IYD: variants seen among roughly 807,000 people sequenced by gnomAD.
IYD encodes the protein iodotyrosine deiodinase, also known as iodotyrosine deiodinase 1.
IYD carries 25 observed loss-of-function variants against 28.4 expected under a neutral mutation model. The ratio of observed to expected loss-of-function variants is 0.88; its 90% CI spans 0.64 to 1.23. The LOEUF (loss-of-function observed/expected upper bound fraction) is 1.23. Among genes scored for constraint, IYD ranks in the 50% most tolerant of loss-of-function variants. The pLI is 0.00. For synonymous variants in IYD, 140 were observed against 130.8 expected (o/e 1.07, Z -0.48); for missense variants, 352 against 357.9 (o/e 0.98, Z 0.13).
At chr6:150,379,446 A>G (rs903124046) in intron 1 of IYD, among the ~76,000 whole-genome samples, 1 of 152,140 alleles carries the variant, frequency 6.6e-6, no homozygotes. Context: ...ATTACATGCC[A>G]TCCCCTTGGG....
intron 4 of IYD, chr6:150,396,262 C>CT (rs929297538): frequency 5.3e-4 from 208 of 395,152 alleles, no homozygotes; most frequent in South Asian, 8.9e-4. Context: ...AATATGAAAA[C>CT]TTTTTTTTTC....
At chr6:150,397,340 G>A (rs1236076469) in intron 4 of IYD, among the ~76,000 whole-genome samples, 11 of 151,976 alleles carry the variant, frequency 7.2e-5, no homozygotes, top group South Asian at 2.1e-4. Context: ...AGGCTGAGAC[G>A]GGCAGATCAC....
chr6:150,391,849 C>T (rs1778130376), intron 2 of IYD, among the ~76,000 whole-genome samples: 2 of 152,074 alleles, frequency 1.3e-5, no homozygotes, highest in African/African-American at 4.8e-5. Context: ...GCTGGGATTA[C>T]AGGCGCCCAC....
At chr6:150,370,871 A>T (rs565741991) in intron 1 of IYD, among the ~76,000 whole-genome samples, 5 of 152,282 alleles carry the variant, frequency 3.3e-5, no homozygotes, top group African/African-American at 1.2e-4. Context: ...AAAGGGGAAG[A>T]TGTTGAGTTC....
chr6:150,392,938 G>A (rs544231084), intron 3 of IYD, among the ~76,000 whole-genome samples: 1 of 152,204 alleles, frequency 6.6e-6, no homozygotes, highest in East Asian at 1.9e-4. Context: ...GAAGTGGAGG[G>A]GAATTCAGTG....
chr6:150,402,134 A>C lies in IYD; in HGVS notation c.*3897A>C, dbSNP rs1328999195. ...TGCAATGCTTGTGACTTGACGTGAT[A>C]AAAGTTCATTTATTGGGCAGGCAAA... On this transcript the variant is annotated 3_prime_UTR_variant, in exon 5 of 5. Transcript: ENST00000344419. 1 of 152,242 alleles carries C rather than the reference A, an allele frequency of 6.6e-6. No homozygotes were observed. Among genetic ancestry groups the C allele is most frequent in the Non-Finnish European group, 1.5e-5 (1 of 68,030 alleles). 9.4% of individuals were successfully genotyped at this position (152,242 alleles called of 1,614,324 possible). A position where few individuals can be genotyped will look rare whatever the true frequency, so the allele number is the denominator to read the frequency against.
rs1582809318 is a variant in IYD at position 150,400,296 on chromosome 6, T to C, written c.*2059T>C. ...ACTTCTGAAGCATTGGAGTTATCGA[T>C]TGCCATTGCCCCATGGTTCTCACTC... On this transcript the variant is annotated 3_prime_UTR_variant, in exon 5 of 5. Coordinates refer to ENST00000344419, the MANE Select transcript of IYD (RefSeq NM_203395.3). 1.3e-5 allele frequency: 2 copies of C among 152,226 alleles called. No homozygotes were observed. Among genetic ancestry groups the C allele is most frequent in the South Asian group, 4.1e-4 (2 of 4,832 alleles). 9.4% of individuals were successfully genotyped at this position (152,226 alleles called of 1,614,324 possible).
chr6:150,391,225 G>C (rs1778105506), intron 2 of IYD, among the ~76,000 whole-genome samples: 1 of 121,086 alleles, frequency 8.3e-6, no homozygotes, highest in Non-Finnish European at 1.6e-5. Context: ...GACAGAGTGA[G>C]ACGCCATCAA....
chr6:150,401,776 G>C lies in IYD; in HGVS notation c.*3539G>C, dbSNP rs1430659990. ...TAATGGAATGATTGCATCACTGCGA[G>C]GAAGTATACTTAATTAAGAAAGTTG... On this transcript the variant is annotated 3_prime_UTR_variant, in exon 5 of 5. Coordinates refer to ENST00000344419, the MANE Select transcript of IYD (RefSeq NM_203395.3). The C allele has an allele frequency of 6.6e-6, 1 of 152,182 alleles. No individual in the cohort carries two copies. Among genetic ancestry groups the C allele is most frequent in the Non-Finnish European group, 1.5e-5 (1 of 68,044 alleles). 9.4% of individuals were successfully genotyped at this position (152,182 alleles called of 1,614,324 possible). A position where few individuals can be genotyped will look rare whatever the true frequency, so the allele number is the denominator to read the frequency against.
intron 1 of IYD, among the ~76,000 whole-genome samples, chr6:150,388,815 C>A (rs188354965): frequency 1.5e-3 from 225 of 151,368 alleles, no homozygotes; most frequent in African/African-American, 5.0e-3. Context: ...GATTCTCATG[C>A]CTCAGCCTCC....
chr6:150,398,652 C>A lies in IYD; in HGVS notation c.*415C>A. On this transcript the variant is annotated 3_prime_UTR_variant, in exon 5 of 5. Transcript: ENST00000344419. Reference sequence around the variant, plus strand: ...CAAATGGTCTCCTGTTCTCTGATTTCTGGTGGCTTTTAGACACTAATTTTT... The same window carrying A: ...CAAATGGTCTCCTGTTCTCTGATTTATGGTGGCTTTTAGACACTAATTTTT... The A allele has an allele frequency of 6.1e-6, 1 of 163,288 alleles. No individual in the cohort carries two copies. The highest frequency in any genetic ancestry group is 1.3e-5 in the Non-Finnish European group (1 of 75,088). 10.1% of individuals were successfully genotyped at this position (163,288 alleles called of 1,614,324 possible). A position where few individuals can be genotyped will look rare whatever the true frequency, so the allele number is the denominator to read the frequency against.
chr6:150,385,011 T>A (rs546842031), intron 1 of IYD: 39 of 152,326 alleles, frequency 2.6e-4, no homozygotes, highest in African/African-American at 8.7e-4. Flanking sequence ...CATCTTCATC[T>A]TCTCTAAGAT....
intron 1 of IYD, among the ~76,000 whole-genome samples, chr6:150,378,318 A>G (rs1481396724): frequency 2.7e-5 from 4 of 150,126 alleles, no homozygotes; most frequent in Admixed American, 1.3e-4. Flanking sequence ...TCCTAATGCG[A>G]TCCCTCCCCG....
At chr6:150,387,853 A>AT (rs1777936074) in intron 1 of IYD, among the ~76,000 whole-genome samples, 1 of 150,260 alleles carries the variant, frequency 6.7e-6, no homozygotes, top group African/African-American at 2.4e-5. Flanking sequence ...CTTCTTTTTA[A>AT]TTTTTTTCCT....
intron 4 of IYD, chr6:150,395,789 T>A (rs1413022801): frequency 1.9e-5 from 12 of 637,910 alleles, no homozygotes; most frequent in Non-Finnish European, 3.4e-5. Flanking sequence ...GAGGTGGTGA[T>A]CTGATTGGAA....
At position 150,394,207 on chromosome 6, in the gene IYD, T is replaced by C; in HGVS notation, c.639T>C (p.Asn213=). 3 of 1,612,330 alleles carry C rather than the reference T, an allele frequency of 1.9e-6. No homozygotes were observed. The highest frequency in any genetic ancestry group is 1.3e-5 in the African/African-American group (1 of 75,004). The change falls in exon 4 of 5, where the codon AAT becomes AAC. Residue 213 remains asparagine (N), a synonymous_variant. Transcript: ENST00000344419. ...GCAAGAAAAAAGTCCACTACTACAATGAGATCAGTGTTTCCATCGCTTGTG... is the reference window on the plus strand; with the variant it reads ...GCAAGAAAAAAGTCCACTACTACAACGAGATCAGTGTTTCCATCGCTTGTG... The part of the protein sequence containing the change: ...ANGKKKVHYY[N]EISVSIACGI...
chr6:150,394,602 G>C (rs1431461479), intron 4 of IYD, among the ~76,000 whole-genome samples: 2 of 152,192 alleles, frequency 1.3e-5, no homozygotes, highest in Non-Finnish European at 2.9e-5. Flanking sequence ...TGCTCTCAGA[G>C]ATGATGGAAT....
intron 4 of IYD, chr6:150,395,634 C>A: frequency 8.0e-7 from 1 of 1,248,846 alleles, no homozygotes; most frequent in Non-Finnish European, 1.1e-6. Flanking sequence ...TTTCATAAGG[C>A]ATAATCCCGA....
rs372840878 is a variant in IYD, at chr6:150,400,178, A to G, written c.*1941A>G. ...GCAGGGCCAGATGGAGTTGGCCTGCAGGGAGTCAGCCTTACCCCATCAGAG... is the reference window on the plus strand; with the variant it reads ...GCAGGGCCAGATGGAGTTGGCCTGCGGGGAGTCAGCCTTACCCCATCAGAG... On this transcript the variant is annotated 3_prime_UTR_variant, in exon 5 of 5. Transcript: ENST00000344419. 4 of 152,184 alleles carry G rather than the reference A, an allele frequency of 2.6e-5. No homozygotes were observed. Among genetic ancestry groups the G allele is most frequent in the East Asian group, 3.9e-4 (2 of 5,184 alleles). The allele number at this position is 152,184 out of a possible 1,614,324, so 9.4% of individuals were successfully genotyped here.
Sources: allele counts gnomAD v4.1 joint callset (sites outside exome capture counted in the v4.1 genomes callset), GRCh38; gene constraint gnomAD v4.1.1; transcripts MANE v1.5; gene names NCBI Gene and HGNC (gene_info 2026-07-23, HGNC 2026-07-21).